The following ATIC variants were observed in gnomAD, a reference collection of about 807,000 sequenced individuals.
The protein encoded by ATIC is 5-aminoimidazole-4-carboxamide ribonucleotide formyltransferase/IMP cyclohydrolase, also known as bifunctional purine biosynthesis protein ATIC.
A neutral mutation model predicts 72.5 loss-of-function variants in ATIC; 64 were observed. The observed-to-expected ratio is 0.88, with a 90% CI of 0.72 to 1.09. The LOEUF is 1.09. Ranked by LOEUF, ATIC falls within the 50% of genes least tolerant of loss-of-function variation. The pLI is 0.00. For missense variants in ATIC, 787 were observed against 732.4 expected (o/e 1.07, Z -0.86); for synonymous variants, 281 against 267.1 (o/e 1.05, Z -0.51).
At chr2:215,317,685 C>G (rs894468327) in intron 2 of ATIC, among the ~76,000 whole-genome samples, 2 of 152,076 alleles carry the variant, frequency 1.3e-5, no homozygotes, top group Non-Finnish European at 2.9e-5. Context: ...GCTGGGGTTT[C>G]ATCATGTTGG....
chr2:215,321,167 A>G (rs2052762775), intron 4 of ATIC, among the ~76,000 whole-genome samples: 1 of 152,208 alleles, frequency 6.6e-6, no homozygotes, highest in African/African-American at 2.4e-5. Flanking sequence ...CAGCCTCGGC[A>G]ACCACCAATT....
chr2:215,317,014 T>C (rs1409129311), intron 2 of ATIC, among the ~76,000 whole-genome samples: 2 of 152,156 alleles, frequency 1.3e-5, no homozygotes, highest in Non-Finnish European at 1.5e-5. Flanking sequence ...CCATTCGCCT[T>C]GGCCTCCCAA....
At chr2:215,363,451 A>G in the ATIC span, 1 of 152,228 alleles carries the variant, frequency 6.6e-6, no homozygotes, top group African/African-American at 2.4e-5. Flanking sequence ...CTCCTCCATC[A>G]GAATTGGGAG....
At chr2:215,362,119 T>C in the ATIC span, 1 of 1,444,112 alleles carries the variant, frequency 6.9e-7, no homozygotes, top group Non-Finnish European at 9.7e-7. Context: ...GGGTTTATGA[T>C]AACCTGAGGA....
At chr2:215,342,651 T>C (rs1279343698) in intron 12 of ATIC, among the ~76,000 whole-genome samples, 1 of 152,238 alleles carries the variant, frequency 6.6e-6, no homozygotes, top group Non-Finnish European at 1.5e-5. Context: ...TGCATTCATG[T>C]ACAGTTTTTG....
Position 215,344,840 on chromosome 2 carries a change from C to G in ATIC, c.1289C>G (p.Ser430Cys), listed in dbSNP as rs747989507. 1 of 1,614,052 alleles carries G rather than the reference C, an allele frequency of 6.2e-7. No individual in the cohort carries two copies. Among genetic ancestry groups the G allele is most frequent in the Non-Finnish European group, 8.5e-7 (1 of 1,180,026 alleles). ...VATIAVKYTQ[S>C]NSVCYAKNGQ... ...ACCATTGCTGTCAAGTACACTCAGT[C>G]TAACTCTGTGTGCTACGCCAAGAAC... Residue 430 changes from serine (S) to cysteine (C), a missense_variant, in exon 13 of 16, where the codon TCT becomes TGT. Coordinates refer to ENST00000236959, the MANE Select transcript of ATIC (RefSeq NM_004044.7).
the ATIC span, among the ~76,000 whole-genome samples, chr2:215,367,342 C>G: frequency 2.0e-5 from 3 of 152,116 alleles, no homozygotes; most frequent in Non-Finnish European, 4.4e-5. Flanking sequence ...AGCAGATTAT[C>G]TGTTTTTTCT....
chr2:215,312,288 C>T, intron 1 of ATIC, 127 bp downstream of exon 1: 21 of 1,441,458 alleles, frequency 1.5e-5, no homozygotes, highest in Non-Finnish European at 1.9e-5. Context: ...CCAGCGTCCC[C>T]GCTCCCCGGC....
At chr2:215,348,406 T>G (rs963991456) in intron 14 of ATIC, among the ~76,000 whole-genome samples, 1 of 152,162 alleles carries the variant, frequency 6.6e-6, no homozygotes, top group South Asian at 2.1e-4. Context: ...AATTAGACGG[T>G]AGTCTAATAG....
chr2:215,333,285 AT>A (rs1357707313), intron 8 of ATIC, 64 bp from the exon 9 acceptor site: 1 of 1,379,888 alleles, frequency 7.2e-7, no homozygotes, highest in African/African-American at 1.4e-5. Flanking sequence ...AACTGTCTTG[AT>A]TTAGGAGTTG....
chr2:215,326,231 C>A, intron 6 of ATIC, 93 bp downstream of exon 6: 2 of 1,457,466 alleles, frequency 1.4e-6, no homozygotes, highest in Non-Finnish European at 1.9e-6. Flanking sequence ...GATTGCATTA[C>A]CTACCAAAGC....
chr2:215,364,876 T>C, the ATIC span: 1 of 1,549,614 alleles, frequency 6.5e-7, no homozygotes, highest in Non-Finnish European at 8.7e-7. Context: ...CATCCAGTCT[T>C]ACCCGCTGGC....
chr2:215,349,239 G>C lies in ATIC; in HGVS notation c.1649G>C (p.Arg550Thr). Reference protein sequence around the residue: ...AFFPFRDNVDRAKRSGVAYIA... With the variant: ...AFFPFRDNVDTAKRSGVAYIA... ...TTCCCTTTCCGAGATAACGTAGACAGAGCTAAAAGGGTAAGTATGGAATTG... is the reference window on the plus strand; with the variant it reads ...TTCCCTTTCCGAGATAACGTAGACACAGCTAAAAGGGTAAGTATGGAATTG... Residue 550 changes from arginine (R) to threonine (T), a missense_variant, in exon 15 of 16, where the codon AGA becomes ACA. Arg to Thr is a moderately conservative substitution (Grantham distance 71). Coordinates refer to ENST00000236959, the MANE Select transcript of ATIC (RefSeq NM_004044.7). 1.2e-6 allele frequency: 2 copies of C among 1,614,166 alleles called. No individual in the cohort carries two copies. The highest frequency in any genetic ancestry group is 2.2e-5 in the South Asian group (2 of 91,066).
Position 215,313,852 on chromosome 2 carries a change from T to C in ATIC, c.146+1228T>C, listed in dbSNP as rs141046222. Among the ~76,000 whole-genome samples, 595 of 152,324 alleles carry C rather than the reference T, an allele frequency of 3.9e-3. 5 individuals carry two copies. The highest frequency in any genetic ancestry group is 0.013 in the African/African-American group (540 of 41,584). On this transcript the variant is annotated intron_variant, in intron 2 of 15. Coordinates refer to ENST00000236959, the MANE Select transcript of ATIC (RefSeq NM_004044.7). ...TTTCATGGGAAACCTGTGAGAATCG[T>C]GGCAGGCAAGTTGGCTCTTTGCTCA...
intron 2 of ATIC, among the ~76,000 whole-genome samples, chr2:215,315,441 C>T (rs547679394): frequency 7.2e-5 from 11 of 152,116 alleles, no homozygotes; most frequent in Non-Finnish European, 1.0e-4. Context: ...ATTGCAGCCT[C>T]GATCTCCCAG....
Position 215,326,040 on chromosome 2 carries a change from G to A in ATIC, c.433G>A (p.Val145Met). The A allele has an allele frequency of 6.2e-7, 1 of 1,614,204 alleles. No individual in the cohort carries two copies. Among genetic ancestry groups the A allele is most frequent in the Non-Finnish European group, 8.5e-7 (1 of 1,180,022 alleles). Reference sequence around the variant, plus strand: ...CAAAAACCACGCTCGAGTGACAGTGGTGTGTGAACCAGAGGACTATGTGGT... The same window carrying A: ...CAAAAACCACGCTCGAGTGACAGTGATGTGTGAACCAGAGGACTATGTGGT... ...AAKNHARVTV[V>M]CEPEDYVVVS... The change falls in exon 6 of 16, where the codon GTG becomes ATG. Residue 145 changes from valine (V) to methionine (M), a missense_variant. Transcript: ENST00000236959.
At position 215,349,141 on chromosome 2, in the gene ATIC, G is replaced by C. The variant is rs1157936951; in HGVS notation, c.1551G>C (p.Glu517Asp). 2 of 1,614,052 alleles carry C rather than the reference G, an allele frequency of 1.2e-6. No individual in the cohort carries two copies. The highest frequency in any genetic ancestry group is 1.7e-5 in the Admixed American group (1 of 60,014). The change falls in exon 15 of 16, where the codon GAG (glutamate) becomes GAC (aspartate). Residue 517 changes from glutamate (E) to aspartate (D), a missense_variant. By Grantham distance (45) the Glu-to-Asp change is conservative. Coordinates refer to ENST00000236959, the MANE Select transcript of ATIC (RefSeq NM_004044.7). ...KWKALFEEVP[E>D]LLTEAEKKEW... ...AGGCACTGTTTGAGGAAGTCCCTGA[G>C]TTACTCACTGAGGCAGAGAAGAAGG...
intron 2 of ATIC, among the ~76,000 whole-genome samples, chr2:215,317,344 C>T (rs753089785): frequency 2.0e-5 from 3 of 152,162 alleles, no homozygotes; most frequent in Non-Finnish European, 2.9e-5. Flanking sequence ...AATTTTGCTA[C>T]ATGCATGATT....
chr2:215,361,970 G>GTGTT, the ATIC span: 1 of 1,612,776 alleles, frequency 6.2e-7, no homozygotes, highest in Non-Finnish European at 8.5e-7. Context: ...TGCACTTACA[G>GTGTT]TGTTTGTTCT....
Sources: allele counts gnomAD v4.1 joint callset (sites outside exome capture counted in the v4.1 genomes callset), GRCh38; gene constraint gnomAD v4.1.1; transcripts MANE v1.5; gene names NCBI Gene and HGNC (gene_info 2026-07-23, HGNC 2026-07-21).